Variants in PPARGC1A observed in about 807,000 individuals in gnomAD.
PPARGC1A encodes the protein peroxisome proliferator-activated receptor gamma coactivator 1-alpha.
In PPARGC1A, 25 loss-of-function variants were observed where a neutral mutation model predicts 88.7. The observed-to-expected ratio is 0.28, with a 90% CI of 0.21 to 0.39. PPARGC1A has a LOEUF of 0.39. Ranked by LOEUF, PPARGC1A falls within the 10% of genes least tolerant of loss-of-function variation. PPARGC1A has a pLI of 1.00. For synonymous variants in PPARGC1A, 363 were observed against 355.6 expected (o/e 1.02, Z -0.24); for missense variants, 880 against 968.7 (o/e 0.91, Z 1.22).
the PPARGC1A span, among the ~76,000 whole-genome samples, chr4:24,436,869 C>CTAA: frequency 6.6e-6 from 1 of 151,444 alleles, no homozygotes; most frequent in African/African-American, 2.4e-5. Context: ...GGTCACAGAG[C>CTAA]TAATATCTAT....
At chr4:23,812,601 A>G in intron 10 of PPARGC1A, 146 bp downstream of exon 10, 1 of 1,250,178 alleles carries the variant, frequency 8.0e-7, no homozygotes, top group Non-Finnish European at 1.1e-6. Flanking sequence ...CCGAAGACTT[A>G]TGGATATTTT....
At chr4:24,078,654 T>C in the PPARGC1A span, among the ~76,000 whole-genome samples, 1 of 152,082 alleles carries the variant, frequency 6.6e-6, no homozygotes, top group African/African-American at 2.4e-5. Flanking sequence ...ATTTCCAGAA[T>C]TTGGCAGAGC....
chr4:24,430,865 C>G, the PPARGC1A span, among the ~76,000 whole-genome samples: 1 of 152,094 alleles, frequency 6.6e-6, no homozygotes, highest in Non-Finnish European at 1.5e-5. Flanking sequence ...AGCCTGTCAT[C>G]CCAGCACTCT....
chr4:23,957,032 G>A, the PPARGC1A span, among the ~76,000 whole-genome samples: 30 of 152,144 alleles, frequency 2.0e-4, no homozygotes, highest in Non-Finnish European at 3.4e-4. Context: ...TTTAACTCAG[G>A]CACTCTGACA....
At chr4:23,963,040 C>T in the PPARGC1A span, among the ~76,000 whole-genome samples, 1 of 152,112 alleles carries the variant, frequency 6.6e-6, no homozygotes, top group Non-Finnish European at 1.5e-5. Flanking sequence ...TTTTGAATGG[C>T]AATTGCCATT....
At chr4:23,892,907 C>T (rs938721196), upstream of PPARGC1A, among the ~76,000 whole-genome samples, 2 of 152,132 alleles carry the variant, frequency 1.3e-5, no homozygotes, top group African/African-American at 4.8e-5. Flanking sequence ...TGGATCAACA[C>T]CCAGATTCCT....
the PPARGC1A span, among the ~76,000 whole-genome samples, chr4:24,432,316 T>C: frequency 2.5e-4 from 38 of 152,258 alleles, no homozygotes; most frequent in East Asian, 2.9e-3. Context: ...AGGATCTTTT[T>C]TTCTCTCTCT....
chr4:24,304,324 T>G, the PPARGC1A span, among the ~76,000 whole-genome samples: 1 of 152,204 alleles, frequency 6.6e-6, no homozygotes, highest in African/African-American at 2.4e-5. Context: ...AGAGACTTAT[T>G]ATAACTTATT....
the PPARGC1A span, among the ~76,000 whole-genome samples, chr4:24,163,293 T>C: frequency 2.0e-5 from 3 of 151,226 alleles, no homozygotes; most frequent in Non-Finnish European, 4.4e-5. Context: ...CCAAAATTAG[T>C]TGTCAAGTTT....
At chr4:24,217,517 T>C in the PPARGC1A span, among the ~76,000 whole-genome samples, 1 of 151,970 alleles carries the variant, frequency 6.6e-6, no homozygotes, top group East Asian at 1.9e-4. Flanking sequence ...TAAGAGAACA[T>C]GGAGGCTAGG....
upstream of PPARGC1A, among the ~76,000 whole-genome samples, chr4:23,892,560 T>C (rs1718009269): frequency 6.6e-6 from 1 of 151,910 alleles, no homozygotes; most frequent in Admixed American, 6.6e-5. Flanking sequence ...TTTTTTTTCT[T>C]TTCTCAGGAG....
chr4:23,910,345 ATATTATATATATTATATATATTATAT>A, the PPARGC1A span, among the ~76,000 whole-genome samples: 1 of 65,702 alleles, frequency 1.5e-5, no homozygotes, highest in African/African-American at 8.0e-5. Context: ...TATATATTAT[ATATTATATATATTATATATATTATAT>A]TATATTATAT....
At chr4:24,253,559 A>T in the PPARGC1A span, among the ~76,000 whole-genome samples, 2 of 152,232 alleles carry the variant, frequency 1.3e-5, no homozygotes, top group Non-Finnish European at 1.5e-5. Context: ...TTGAGGGGGA[A>T]TTTCAAACAC....
the PPARGC1A span, among the ~76,000 whole-genome samples, chr4:24,401,625 C>T: frequency 6.6e-6 from 1 of 152,178 alleles, no homozygotes; most frequent in Non-Finnish European, 1.5e-5. Context: ...CTCACAAAAA[C>T]CCTTTAAGAT....
At chr4:24,015,147 CAACAGA>C in the PPARGC1A span, among the ~76,000 whole-genome samples, 1 of 151,920 alleles carries the variant, frequency 6.6e-6, no homozygotes, top group Non-Finnish European at 1.5e-5. Flanking sequence ...ATATTTAGGT[CAACAGA>C]AATAGATGAT....
upstream of PPARGC1A, among the ~76,000 whole-genome samples, chr4:23,903,085 T>C (rs1719606076): frequency 6.6e-6 from 1 of 152,200 alleles, no homozygotes; most frequent in Non-Finnish European, 1.5e-5. Context: ...TCATATATTA[T>C]AACACTTTTA....
intron 2 of PPARGC1A, chr4:23,877,752 G>A (rs1021134559): frequency 6.6e-6 from 1 of 152,106 alleles, no homozygotes; most frequent in Non-Finnish European, 1.5e-5. Context: ...AATGGTGGAG[G>A]AACAATTTGG....
upstream of PPARGC1A, among the ~76,000 whole-genome samples, chr4:23,894,856 T>C (rs1156250909): frequency 6.6e-6 from 1 of 152,168 alleles, no homozygotes; most frequent in African/African-American, 2.4e-5. Context: ...TTCAACTCGG[T>C]TGTATTTGTG....
At chr4:24,103,456 C>T in the PPARGC1A span, among the ~76,000 whole-genome samples, 822 of 152,208 alleles carry the variant, frequency 5.4e-3, 8 homozygotes, top group African/African-American at 0.019. Context: ...CACGAAAGAG[C>T]ACCCAGGACA....
Sources: gnomAD v4.1 joint callset for allele counts (sites outside exome capture counted in the v4.1 genomes callset) on GRCh38, gnomAD v4.1.1 for gene constraint, MANE v1.5 for transcripts, NCBI Gene and HGNC (gene_info 2026-07-23, HGNC 2026-07-21) for gene names.